Variants in FGD4 observed in about 807,000 individuals in gnomAD.
FGD4 encodes FYVE, RhoGEF and PH domain-containing protein 4.
FGD4 carries 42 observed loss-of-function variants against 102.0 expected under a neutral mutation model. That is an observed-to-expected ratio of 0.41 (90% confidence interval 0.32 to 0.53). The LOEUF (loss-of-function observed/expected upper bound fraction) is 0.53. Ranked by LOEUF, FGD4 falls within the 20% of genes least tolerant of loss-of-function variation. The pLI is 0.21. For synonymous variants in FGD4, 380 were observed against 375.7 expected, an observed-to-expected ratio of 1.01 and a Z score of -0.13; for missense variants, 902 against 1,078.2, an observed-to-expected ratio of 0.84 and a Z score of 2.29.
chr12:32,460,306 G>A (rs962846848), intron 1 of FGD4, among the ~76,000 whole-genome samples: 1 of 152,108 alleles, frequency 6.6e-6, no homozygotes, highest in African/African-American at 2.4e-5. Flanking sequence ...GAGCCCAGGA[G>A]TTCGAGACCA....
At chr12:32,494,386 G>A (rs1045932383) in intron 1 of FGD4, among the ~76,000 whole-genome samples, 6 of 152,238 alleles carry the variant, frequency 3.9e-5, no homozygotes, top group Middle Eastern at 3.4e-3. Flanking sequence ...GAGGGATGGT[G>A]AGGTCTTTTA....
At chr12:32,579,470 C>T (rs1205424152) in intron 3 of FGD4, 3 of 152,410 alleles carry the variant, frequency 2.0e-5, no homozygotes, top group African/African-American at 4.8e-5. Context: ...TCCTTACCCA[C>T]GTTATCCTTC....
chr12:32,639,195 C>G (rs965279918), intron 16 of FGD4, among the ~76,000 whole-genome samples: 13 of 152,098 alleles, frequency 8.5e-5, no homozygotes, highest in Admixed American at 6.5e-5. Flanking sequence ...CAGAGTTTTG[C>G]TCATGTCACC....
chr12:32,608,826 C>T (rs1360897249), intron 8 of FGD4, among the ~76,000 whole-genome samples: 1 of 152,136 alleles, frequency 6.6e-6, no homozygotes, highest in Non-Finnish European at 1.5e-5. Flanking sequence ...TGTTTTCTGT[C>T]ATAAGTGAAC....
intron 4 of FGD4, among the ~76,000 whole-genome samples, chr12:32,583,162 GC>G (rs1700061341): frequency 6.6e-6 from 1 of 152,054 alleles, no homozygotes; most frequent in African/African-American, 2.4e-5. Context: ...CATGGTGAGA[GC>G]CCATATCTAC....
chr12:32,486,144 G>GT, intron 1 of FGD4: 1 of 1,527,826 alleles, frequency 6.5e-7, no homozygotes, highest in Non-Finnish European at 8.7e-7. Flanking sequence ...ATGGGGGGCT[G>GT]TGAGTATTGT....
chr12:32,566,807 C>T (rs1194196381), intron 2 of FGD4, among the ~76,000 whole-genome samples: 2 of 152,136 alleles, frequency 1.3e-5, no homozygotes, highest in Non-Finnish European at 2.9e-5. Context: ...AATTATCACC[C>T]CCGACACCTT....
intron 4 of FGD4, among the ~76,000 whole-genome samples, chr12:32,585,009 C>G (rs1946887557): frequency 6.6e-6 from 1 of 151,512 alleles, no homozygotes; most frequent in South Asian, 2.1e-4. Context: ...TTGCTTGAGT[C>G]CAGGAGTTGG....
At chr12:32,459,182 G>A (rs943628967) in intron 1 of FGD4, among the ~76,000 whole-genome samples, 1 of 144,036 alleles carries the variant, frequency 6.9e-6, no homozygotes, top group African/African-American at 2.5e-5. Flanking sequence ...TGGGATGTTT[G>A]ACACTGCTTT....
At position 32,502,151 on chromosome 12, in the gene FGD4, C is replaced by T. The variant is rs11052033; in HGVS notation, c.167-61986C>T. The T allele has an allele frequency of 0.071, 69,743 of 985,422 alleles. 2,665 individuals carry two copies. The highest frequency in any genetic ancestry group is 0.1 in the South Asian group (2,208 of 21,286). 61.0% of individuals were successfully genotyped at this position (985,422 alleles called of 1,614,324 possible). A position where few individuals can be genotyped will look rare whatever the true frequency, so the allele number is the denominator to read the frequency against. ...AATCCACCATCTGTTCACTCCCCACCGGAATGTGATTATCCTTGCTGGGCT... is the reference window on the plus strand; with the variant it reads ...AATCCACCATCTGTTCACTCCCCACTGGAATGTGATTATCCTTGCTGGGCT... On this transcript the variant is annotated intron_variant, in intron 1 of 16. Coordinates refer to ENST00000534526, the MANE Select transcript of FGD4 (RefSeq NM_001370298.3).
At chr12:32,500,288 T>C (rs1476747128) in intron 1 of FGD4, among the ~76,000 whole-genome samples, 1 of 152,170 alleles carries the variant, frequency 6.6e-6, no homozygotes, top group Non-Finnish European at 1.5e-5. Flanking sequence ...ATTTGTAAAG[T>C]GTTTATTATA....
intron 1 of FGD4, among the ~76,000 whole-genome samples, chr12:32,522,416 G>A (rs1482008179): frequency 6.6e-6 from 1 of 152,164 alleles, no homozygotes; most frequent in East Asian, 1.9e-4. Flanking sequence ...AGCAAGCTGT[G>A]CGTTAGGGTC....
At chr12:32,636,163 T>G (rs543117999) in intron 15 of FGD4, among the ~76,000 whole-genome samples, 4 of 152,094 alleles carry the variant, frequency 2.6e-5, no homozygotes, top group Admixed American at 6.6e-5. Context: ...AAAAACACCC[T>G]GGCTCATGGG....
chr12:32,476,255 C>G (rs370665757), intron 1 of FGD4, among the ~76,000 whole-genome samples: 1 of 152,154 alleles, frequency 6.6e-6, no homozygotes, highest in Non-Finnish European at 1.5e-5. Flanking sequence ...AGCAGAGCCT[C>G]CTTTCTGATA....
intron 1 of FGD4, among the ~76,000 whole-genome samples, chr12:32,457,784 TA>T (rs1411758098): frequency 1.3e-5 from 2 of 152,120 alleles, no homozygotes; most frequent in Non-Finnish European, 2.9e-5. Flanking sequence ...CATATAAAAA[TA>T]GAATGCAAAT....
Position 32,480,649 on chromosome 12 carries a change from C to T in FGD4, c.166+80690C>T, listed in dbSNP as rs538111482. 7.3e-4 allele frequency among the ~76,000 whole-genome samples: 111 copies of T among 151,436 alleles called. 3 individuals are homozygous for T. The South Asian group carries it at 0.022, about 30-fold the overall frequency. ...CCGAGTAGCTGGGATTACAGGCACG[C>T]ACCACCATGGCCAGCTAATTTTTGT... On this transcript the variant is annotated intron_variant, in intron 1 of 16. Transcript: ENST00000534526.
Position 32,521,415 on chromosome 12 carries a change from C to T in FGD4, c.167-42722C>T, listed in dbSNP as rs118035946. ...AGGACATTGCATGAATATTTAATTA[C>T]GTTTGTGAAGAAATGTTCAAAGGAA... On this transcript the variant is annotated intron_variant, in intron 1 of 16. Coordinates refer to ENST00000534526, the MANE Select transcript of FGD4 (RefSeq NM_001370298.3). Among the ~76,000 whole-genome samples the T allele has an allele frequency of 2.3e-3, 345 of 147,638 alleles. 19 individuals carry two copies. The East Asian group carries it at 0.063, about 27-fold the overall frequency.
intron 1 of FGD4, among the ~76,000 whole-genome samples, chr12:32,463,373 C>T (rs901423935): frequency 6.6e-6 from 1 of 152,164 alleles, no homozygotes; most frequent in Non-Finnish European, 1.5e-5. Context: ...TTAAGAATGT[C>T]AAGAGTCACC....
In FGD4 at chr12:32,640,732, A is replaced by G. The variant is rs1951119978; in HGVS notation, c.*199A>G. The G allele has an allele frequency of 1.3e-6, 1 of 762,494 alleles. No individual in the cohort carries two copies. Among genetic ancestry groups the G allele is most frequent in the Non-Finnish European group, 2.1e-6 (1 of 483,810 alleles). The allele number at this position is 762,494 out of a possible 1,614,324, so 47.2% of individuals were successfully genotyped here. ...GTCATTCTACCGATAAAGTTTTGAA[A>G]TAATGTGAAAACTGGAGCATTTTTT... is the stretch of plus-strand genomic sequence containing the variant. On this transcript the variant is annotated 3_prime_UTR_variant, in exon 17 of 17. Transcript: ENST00000534526.
Sources: gnomAD v4.1 joint callset for allele counts (sites outside exome capture counted in the v4.1 genomes callset) on GRCh38, gnomAD v4.1.1 for gene constraint, MANE v1.5 for transcripts, NCBI Gene and HGNC (gene_info 2026-07-23, HGNC 2026-07-21) for gene names.